Variants in CNTNAP2 observed in about 807,000 individuals in gnomAD.
The protein encoded by CNTNAP2 is contactin-associated protein-like 2.
CNTNAP2 carries 98 observed loss-of-function variants against 155.2 expected under a neutral mutation model. The observed-to-expected ratio is 0.63, with a 90% CI of 0.54 to 0.75. CNTNAP2 has a LOEUF of 0.75. Ranked by LOEUF, CNTNAP2 falls within the 30% of genes least tolerant of loss-of-function variation. CNTNAP2 has a pLI of 0.00. For synonymous variants in CNTNAP2, 651 were observed against 631.2 expected (o/e 1.03, Z -0.47); for missense variants, 1,727 against 1,688.1 (o/e 1.02, Z -0.40).
At chr7:148,399,464 A>T (rs1000788270) in intron 22 of CNTNAP2, among the ~76,000 whole-genome samples, 2 of 152,172 alleles carry the variant, frequency 1.3e-5, no homozygotes, top group African/African-American at 4.8e-5. Context: ...ATATGCCTTT[A>T]AACGCATCCA....
At chr7:146,852,290 A>G (rs1032741438) in intron 3 of CNTNAP2, among the ~76,000 whole-genome samples, 5 of 152,178 alleles carry the variant, frequency 3.3e-5, no homozygotes, top group African/African-American at 1.2e-4. Flanking sequence ...AAGAAAGACA[A>G]TATCTTCTAG....
At position 147,877,762 on chromosome 7, in the gene CNTNAP2, G is replaced by A. The variant is rs138344159; in HGVS notation, c.2099-25803G>A. On this transcript the variant is annotated intron_variant, in intron 13 of 23. Coordinates refer to ENST00000361727, the MANE Select transcript of CNTNAP2 (RefSeq NM_014141.6). The stretch of plus-strand genomic sequence containing the variant: ...TGTTTTTGTTTGTTTGTTTATCTTT[G>A]TTGTTGTTGTTTTTTACCTCTTGCA... Among the ~76,000 whole-genome samples the A allele has an allele frequency of 2.6e-4, 40 of 151,806 alleles. No individual in the cohort carries two copies. The East Asian group carries it at 7.3e-3, about 28-fold the overall frequency.
At position 146,927,025 on chromosome 7, in the gene CNTNAP2, G is replaced by T. The variant is rs368920230; in HGVS notation, c.402+87121G>T. On this transcript the variant is annotated intron_variant, in intron 3 of 23. Transcript: ENST00000361727. The stretch of plus-strand genomic sequence containing the variant: ...TTCAGCAAAAAGAATGTTGACAGAA[G>T]AGCTTTGAGTTAGTCCTGGGTCTTT... 2.2e-4 allele frequency among the ~76,000 whole-genome samples: 34 copies of T among 152,296 alleles called. No individual in the cohort carries two copies. The East Asian group carries it at 3.7e-3, about 16-fold the overall frequency.
At chr7:146,500,836 T>G (rs1184298315) in intron 1 of CNTNAP2, among the ~76,000 whole-genome samples, 1 of 152,158 alleles carries the variant, frequency 6.6e-6, no homozygotes, top group Non-Finnish European at 1.5e-5. Context: ...TCACCATTAA[T>G]TATTGTGTTA....
At chr7:147,784,506 TA>T (rs1253265055) in intron 13 of CNTNAP2, among the ~76,000 whole-genome samples, 3 of 27,432 alleles carry the variant, frequency 1.1e-4, no homozygotes, top group Non-Finnish European at 1.6e-4. Context: ...TATATATATA[TA>T]TATATATATA....
intron 14 of CNTNAP2, among the ~76,000 whole-genome samples, chr7:147,925,269 GACAA>G (rs1289398697): frequency 1.3e-4 from 18 of 141,692 alleles, no homozygotes; most frequent in Non-Finnish European, 2.1e-4. Flanking sequence ...ATATAATGCA[GACAA>G]ACACACACAA....
At chr7:146,664,056 G>GT (rs1257789625) in intron 1 of CNTNAP2, among the ~76,000 whole-genome samples, 1 of 150,010 alleles carries the variant, frequency 6.7e-6, no homozygotes, top group Non-Finnish European at 1.5e-5. Context: ...GTTTGCTAGG[G>GT]TTTTTATTAT....
At chr7:147,491,904 G>A (rs1355692833) in intron 11 of CNTNAP2, among the ~76,000 whole-genome samples, 1 of 151,982 alleles carries the variant, frequency 6.6e-6, no homozygotes, top group Non-Finnish European at 1.5e-5. Flanking sequence ...GAGGAATTTA[G>A]GATATTAGCA....
chr7:146,982,959 A>T (rs1798047204), intron 3 of CNTNAP2, among the ~76,000 whole-genome samples: 1 of 152,218 alleles, frequency 6.6e-6, no homozygotes, highest in Non-Finnish European at 1.5e-5. Context: ...TGGAAAAAAA[A>T]GTACAGATTT....
At chr7:146,962,222 A>C (rs376299884) in intron 3 of CNTNAP2, among the ~76,000 whole-genome samples, 1 of 152,160 alleles carries the variant, frequency 6.6e-6, no homozygotes, top group Non-Finnish European at 1.5e-5. Flanking sequence ...AAAACAGTAG[A>C]TTTTTGCTAA....
At chr7:147,324,481 C>T (rs1247326819) in intron 9 of CNTNAP2, among the ~76,000 whole-genome samples, 3 of 152,114 alleles carry the variant, frequency 2.0e-5, no homozygotes, top group Non-Finnish European at 4.4e-5. Flanking sequence ...TCATCTCTGG[C>T]TGTAGCATTA....
chr7:148,077,095 G>A (rs1284444295), intron 15 of CNTNAP2, among the ~76,000 whole-genome samples: 1 of 152,108 alleles, frequency 6.6e-6, no homozygotes, highest in East Asian at 1.9e-4. Flanking sequence ...CTCACCTGAG[G>A]TCGGGAGTTC....
chr7:147,926,359 A>G (rs531233785), intron 14 of CNTNAP2, among the ~76,000 whole-genome samples: 2 of 152,338 alleles, frequency 1.3e-5, no homozygotes, highest in East Asian at 3.9e-4. Context: ...TGAATTTATA[A>G]TAGAAGTATG....
At chr7:146,904,704 C>A (rs960952416) in intron 3 of CNTNAP2, among the ~76,000 whole-genome samples, 4 of 152,232 alleles carry the variant, frequency 2.6e-5, no homozygotes, top group African/African-American at 9.6e-5. Context: ...ATCTCCTGAC[C>A]TCGTGATCCG....
At chr7:147,624,570 C>T (rs1169137911) in intron 12 of CNTNAP2, among the ~76,000 whole-genome samples, 1 of 152,016 alleles carries the variant, frequency 6.6e-6, no homozygotes, top group African/African-American at 2.4e-5. Context: ...ATCATCTCAC[C>T]ACAGTTAAAA....
intron 2 of CNTNAP2, among the ~76,000 whole-genome samples, chr7:146,800,416 A>G (rs903472449): frequency 6.6e-6 from 1 of 152,238 alleles, no homozygotes; most frequent in African/African-American, 2.4e-5. Context: ...TCAGAAAATC[A>G]GTTTGGCACA....
intron 14 of CNTNAP2, among the ~76,000 whole-genome samples, chr7:147,959,848 G>A (rs1024342789): frequency 2.0e-5 from 3 of 152,196 alleles, no homozygotes; most frequent in South Asian, 2.1e-4. Flanking sequence ...CTCTGGAGTC[G>A]AGTCCCAGTT....
At chr7:147,712,923 A>G (rs1490882969) in intron 13 of CNTNAP2, among the ~76,000 whole-genome samples, 1 of 152,104 alleles carries the variant, frequency 6.6e-6, no homozygotes, top group African/African-American at 2.4e-5. Flanking sequence ...ATCCCCTGTC[A>G]GTCCTCTCTG....
chr7:147,030,478 T>C (rs1799008820), intron 3 of CNTNAP2, among the ~76,000 whole-genome samples: 2 of 152,332 alleles, frequency 1.3e-5, no homozygotes, highest in South Asian at 4.1e-4. Context: ...CAATTGTTTT[T>C]GGTTTTTCAT....
Sources: gnomAD v4.1 joint callset for allele counts (sites outside exome capture counted in the v4.1 genomes callset) on GRCh38, gnomAD v4.1.1 for gene constraint, MANE v1.5 for transcripts, NCBI Gene and HGNC (gene_info 2026-07-23, HGNC 2026-07-21) for gene names.